The following KLHL35 variants were observed in gnomAD, a reference collection of about 807,000 sequenced individuals.
The protein encoded by KLHL35 is kelch like family member 35.
A neutral mutation model predicts 44.0 loss-of-function variants in KLHL35; 50 were observed. That is an observed-to-expected ratio of 1.14 (90% CI 0.91 to 1.44). The LOEUF (loss-of-function observed/expected upper bound fraction) is 1.44, where lower values mean the gene tolerates loss of function less well. KLHL35 is among the 40% of genes most tolerant of loss of function. The pLI is 0.00. For missense variants in KLHL35, 1,049 were observed against 887.8 expected, an observed-to-expected ratio of 1.18 and a Z score of -2.31; for synonymous variants, 470 against 410.4, an observed-to-expected ratio of 1.15 and a Z score of -1.76.
chr11:75,426,423 C>T (rs1341642831), intron 4 of KLHL35, 97 bp downstream of exon 4: 3 of 746,702 alleles, frequency 4.0e-6, no homozygotes, highest in Non-Finnish European at 6.4e-6. Context: ...GGCTTCAGAC[C>T]CCTTCTTACA....
chr11:75,426,721 G>A lies in KLHL35; in HGVS notation c.1067-83C>T, dbSNP rs570400293. The A allele has an allele frequency of 4.8e-5, 43 of 897,310 alleles. No individual in the cohort carries two copies. In the African/African-American group the frequency reaches 6.3e-4, roughly 13 times the overall value. The allele number at this position is 897,310 out of a possible 1,614,324, so 55.6% of individuals were successfully genotyped here. A position where few individuals can be genotyped will look rare whatever the true frequency, so the allele number is the denominator to read the frequency against. ...AAAGAGCTAGAAACTAGGGCCCCCA[G>A]ATCCAAAGGAAGGGTTAAGGGAAGG... On this transcript the variant is annotated intron_variant, in intron 3 of 6. Coordinates refer to ENST00000539798, the MANE Select transcript of KLHL35 (RefSeq NM_001039548.3).
chr11:75,430,458 C>T lies in KLHL35; in HGVS notation c.172G>A (p.Ala58Thr). Residue 58 changes from alanine (A) to threonine (T), a missense_variant, in exon 2 of 7, where the codon GCG becomes ACG. Ala to Thr is a moderately conservative substitution (Grantham distance 58). Transcript: ENST00000539798. ...GGRDFPCHRA[A>T]LSAGSAYFRS... is the part of the protein sequence containing the mutation. ...AAGTAGGCGCTGCCCGCGCTGAGCG[C>T]CGCGCGGTGGCACGGAAAGTCGCGC... The T allele has an allele frequency of 7.2e-7, 1 of 1,393,372 alleles. No individual in the cohort carries two copies. Among genetic ancestry groups the T allele is most frequent in the East Asian group, 3.1e-5 (1 of 31,826 alleles). 86.3% of individuals were successfully genotyped at this position (1,393,372 alleles called of 1,614,324 possible).
In KLHL35 at chr11:75,430,479, C is replaced by A. The variant is rs1025025991; in HGVS notation, c.151G>T (p.Asp51Tyr). 1 of 1,403,848 alleles carries A rather than the reference C, an allele frequency of 7.1e-7. No individual in the cohort carries two copies. The allele number at this position is 1,403,848 out of a possible 1,614,324, so 87.0% of individuals were successfully genotyped here. A position where few individuals can be genotyped will look rare whatever the true frequency, so the allele number is the denominator to read the frequency against. Residue 51 changes from aspartate (D) to tyrosine (Y), a missense_variant, in exon 2 of 7, where the codon GAC becomes TAC. Asp to Tyr is a radical substitution (Grantham distance 160). Transcript: ENST00000539798. Reference sequence around the variant, plus strand: ...AGCGCCGCGCGGTGGCACGGAAAGTCGCGCCCGCCGGCGCGCAGCACCACG... The same window carrying A: ...AGCGCCGCGCGGTGGCACGGAAAGTAGCGCCCGCCGGCGCGCAGCACCACG... ...TDVVLRAGGR[D>Y]FPCHRAALSA...
chr11:75,423,701 G>A lies in KLHL35; in HGVS notation c.1554C>T (p.Pro518=), dbSNP rs1948468628. 6.2e-7 allele frequency: 1 copy of A among 1,613,422 alleles called. No homozygotes were observed. Among genetic ancestry groups the A allele is most frequent in the African/African-American group, 1.3e-5 (1 of 74,916 alleles). ...TGAAGCCTCCACTTACCACAGGGCT[G>A]GGGAGGACAGCTGCCTCCCCCCACA... ...TDVWGEAAVL[P]SPVESCGVTV... is the part of the protein sequence containing the mutation. Residue 518 remains proline (P), a synonymous_variant, in exon 6 of 7, where the codon CCC becomes CCT. Transcript: ENST00000539798.
At chr11:75,423,486 C>T (rs1948467012) in intron 6 of KLHL35, 2 of 579,186 alleles carry the variant, frequency 3.5e-6, no homozygotes, top group African/African-American at 1.9e-5. Context: ...CTTAACAGGG[C>T]CTAGTTGTTG....
At chr11:75,424,363 A>G (rs1025959547) in intron 5 of KLHL35, 2 of 156,142 alleles carry the variant, frequency 1.3e-5, no homozygotes, top group Non-Finnish European at 2.8e-5. Flanking sequence ...TCCTAGCTGC[A>G]TACACTGTCA....
chr11:75,426,284 T>C (rs1330804329), intron 4 of KLHL35: 1 of 351,326 alleles, frequency 2.8e-6, no homozygotes, highest in Non-Finnish European at 5.2e-6. Flanking sequence ...ACAGTCAAGA[T>C]TCAAACCTAG....
At position 75,430,285 on chromosome 11, in the gene KLHL35, C is replaced by T. The variant is rs538031338; in HGVS notation, c.345G>A (p.Val115=). The T allele has an allele frequency of 3.4e-5, 41 of 1,206,642 alleles. No individual in the cohort carries two copies. In the African/African-American group the frequency reaches 6.6e-4, roughly 19 times the overall value. The allele number at this position is 1,206,642 out of a possible 1,614,324, so 74.7% of individuals were successfully genotyped here. A position where few individuals can be genotyped will look rare whatever the true frequency, so the allele number is the denominator to read the frequency against. ...VVLDYVYGAG[V]RLRAEDEAAA... ...CCGCCTCGTCCTCCGCGCGCAGCCGCACGCCCGCTCCGTACACGTAGTCGA... is the reference window on the plus strand; with the variant it reads ...CCGCCTCGTCCTCCGCGCGCAGCCGTACGCCCGCTCCGTACACGTAGTCGA... Residue 115 remains valine (V), a synonymous_variant, in exon 2 of 7, where the codon GTG becomes GTA. Transcript: ENST00000539798.
At position 75,422,511 on chromosome 11, in the gene KLHL35, A is replaced by T; in HGVS notation, c.*69T>A. Reference sequence around the variant, plus strand: ...GGGCTGTTTGCGTGGAGGTGCCATGAGGGAGCAGAGTGTGCATCTGAGCTC... The same window carrying T: ...GGGCTGTTTGCGTGGAGGTGCCATGTGGGAGCAGAGTGTGCATCTGAGCTC... On this transcript the variant is annotated 3_prime_UTR_variant, in exon 7 of 7. Coordinates refer to ENST00000539798, the MANE Select transcript of KLHL35 (RefSeq NM_001039548.3). 1 of 1,451,488 alleles carries T rather than the reference A, an allele frequency of 6.9e-7. No individual in the cohort carries two copies. Among genetic ancestry groups the T allele is most frequent in the East Asian group, 2.3e-5 (1 of 43,446 alleles). The allele number at this position is 1,451,488 out of a possible 1,614,324, so 89.9% of individuals were successfully genotyped here.
At chr11:75,424,342 C>T (rs764320785) in intron 5 of KLHL35, 7 of 158,384 alleles carry the variant, frequency 4.4e-5, no homozygotes, top group South Asian at 1.9e-4. Flanking sequence ...AGACCCCCGA[C>T]GGGGATGTGT....
In KLHL35 at chr11:75,433,187, C is replaced by A. The variant is rs1227316113; in HGVS notation, c.-146G>T. ...GACTCCCGTTTGCTGTTCGCTCGGG[C>A]TCAGCTGCGGGAGGACAAAGGGGCT... is the stretch of plus-strand genomic sequence containing the variant. On this transcript the variant is annotated 5_prime_UTR_variant, in exon 1 of 7. Transcript: ENST00000539798. Among the ~76,000 whole-genome samples, 2 of 152,142 alleles carry A rather than the reference C, an allele frequency of 1.3e-5. No individual in the cohort carries two copies. Among genetic ancestry groups the A allele is most frequent in the Non-Finnish European group, 2.9e-5 (2 of 68,044 alleles).
Position 75,422,669 on chromosome 11 carries a change from T to C in KLHL35, c.1663A>G (p.Ser555Gly), listed in dbSNP as rs1948458705. 1 of 1,614,032 alleles carries C rather than the reference T, an allele frequency of 6.2e-7. No homozygotes were observed. The highest frequency in any genetic ancestry group is 2.2e-5 in the East Asian group (1 of 44,882). ...GGCTGGACCTCCACCTGCCCACTGCTGGGGTCAAAGGTGAAGACCTTATCG... is the reference window on the plus strand; with the variant it reads ...GGCTGGACCTCCACCTGCCCACTGCCGGGGTCAAAGGTGAAGACCTTATCG... ...STDKVFTFDP[S>G]SGQVEVQPSL... Residue 555 changes from serine to glycine, a missense_variant, in exon 7 of 7, where the codon AGC (serine) becomes GGC (glycine). Ser to Gly is a moderately conservative substitution (Grantham distance 56). Coordinates refer to ENST00000539798, the MANE Select transcript of KLHL35 (RefSeq NM_001039548.3).
rs145365044 is a variant in KLHL35, at chr11:75,429,504, A to G, written c.881+245T>C. On this transcript the variant is annotated intron_variant, in intron 2 of 6. Coordinates refer to ENST00000539798, the MANE Select transcript of KLHL35 (RefSeq NM_001039548.3). ...ACCCTGCACAGAACTTGCGTAGAGT[A>G]GTAAGTACTCGGAATTACGGTTGCA... 1.1e-3 allele frequency among the ~76,000 whole-genome samples: 174 copies of G among 152,370 alleles called. 1 individual carries two copies. Among genetic ancestry groups the G allele is most frequent in the African/African-American group, 3.7e-3 (154 of 41,596 alleles).
rs745365847 is a variant in KLHL35 at position 75,423,723 on chromosome 11, C to A, written c.1532G>T (p.Trp511Leu). 58 of 1,613,756 alleles carry A rather than the reference C, an allele frequency of 3.6e-5. 1 individual carries two copies. The highest frequency in any genetic ancestry group is 1.6e-4 in the Middle Eastern group (1 of 6,082). ...GCTGGGGAGGACAGCTGCCTCCCCC[C>A]ACACATCTGTGCCTGGATCATAGGT... ...IFTYDPGTDV[W>L]GEAAVLPSPV... Residue 511 changes from tryptophan to leucine, a missense_variant, in exon 6 of 7, where the codon TGG becomes TTG. Physicochemically the swap from Trp to Leu is moderately conservative, Grantham distance 61 (BLOSUM62 -2). Coordinates refer to ENST00000539798, the MANE Select transcript of KLHL35 (RefSeq NM_001039548.3).
chr11:75,429,608 A>T, intron 2 of KLHL35, 141 bp downstream of exon 2: 1 of 1,095,302 alleles, frequency 9.1e-7, no homozygotes, highest in Non-Finnish European at 1.2e-6. Flanking sequence ...GGGCAGAATT[A>T]TGGGCACCGA....
chr11:75,430,113 G>C lies in KLHL35; in HGVS notation c.517C>G (p.Arg173Gly), dbSNP rs1948522050. ...AAFSLAPLAE[R>G]CGRVLRQAFA... Reference sequence around the variant, plus strand: ...GCCTGACGCAGGACGCGGCCGCAGCGCTCGGCCAGCGGGGCCAGCGAGAAG... The same window carrying C: ...GCCTGACGCAGGACGCGGCCGCAGCCCTCGGCCAGCGGGGCCAGCGAGAAG... Residue 173 changes from arginine (R) to glycine (G), a missense_variant, in exon 2 of 7, where the codon CGC (arginine) becomes GGC (glycine). Transcript: ENST00000539798. 1 of 1,284,362 alleles carries C rather than the reference G, an allele frequency of 7.8e-7. No homozygotes were observed. Among genetic ancestry groups the C allele is most frequent in the African/African-American group, 1.6e-5 (1 of 63,806 alleles). The allele number at this position is 1,284,362 out of a possible 1,614,324, so 79.6% of individuals were successfully genotyped here. A position where few individuals can be genotyped will look rare whatever the true frequency, so the allele number is the denominator to read the frequency against.
chr11:75,428,607 C>T lies in KLHL35; in HGVS notation c.901G>A (p.Val301Met). 1.3e-6 allele frequency: 2 copies of T among 1,598,368 alleles called. No homozygotes were observed. The highest frequency in any genetic ancestry group is 1.7e-6 in the Non-Finnish European group (2 of 1,172,544). The change falls in exon 3 of 7, where the codon GTG becomes ATG. Residue 301 changes from valine (V) to methionine (M), a missense_variant. Transcript: ENST00000539798. ...RPRRFMDLAEVIVVIGGCDRK... is the reference protein window; with the variant it reads ...RPRRFMDLAEMIVVIGGCDRK... Reference sequence around the variant, plus strand: ...TCGCAACCGCCGATGACCACGATCACTTCAGCTAGGTCCATGAATCTGGCG... The same window carrying T: ...TCGCAACCGCCGATGACCACGATCATTTCAGCTAGGTCCATGAATCTGGCG...
Position 75,431,522 on chromosome 11 carries a change from G to C in KLHL35, c.-1-892C>G, listed in dbSNP as rs537977576. ...GGGAACCTTCCAGCTGAGAAGGATG[G>C]GCGAATTCTGAAAGGTTAGAGCCCA... On this transcript the variant is annotated intron_variant, in intron 1 of 6. Coordinates refer to ENST00000539798, the MANE Select transcript of KLHL35 (RefSeq NM_001039548.3). 9.2e-5 allele frequency among the ~76,000 whole-genome samples: 14 copies of C among 152,288 alleles called. No individual in the cohort carries two copies. In the East Asian group the frequency reaches 2.5e-3, roughly 27 times the overall value.
Position 75,429,675 on chromosome 11 carries a change from G to C in KLHL35, c.881+74C>G, listed in dbSNP as rs187667874. 5.8e-5 allele frequency: 80 copies of C among 1,375,140 alleles called. No individual in the cohort carries two copies. In the African/African-American group the frequency reaches 1.2e-3, roughly 20 times the overall value. The allele number at this position is 1,375,140 out of a possible 1,614,324, so 85.2% of individuals were successfully genotyped here. On this transcript the variant is annotated intron_variant, in intron 2 of 6. Coordinates refer to ENST00000539798, the MANE Select transcript of KLHL35 (RefSeq NM_001039548.3). ...TCATCAAGAGGCAGTACTAAAAGAT[G>C]ATGAAAGAATGAATGAGCGGTGGAA...
Sources: allele counts gnomAD v4.1 joint callset (sites outside exome capture counted in the v4.1 genomes callset), GRCh38; gene constraint gnomAD v4.1.1; transcripts MANE v1.5; gene names NCBI Gene and HGNC (gene_info 2026-07-23, HGNC 2026-07-21).